Variants in RIMS1 observed in about 807,000 individuals in gnomAD.
RIMS1 encodes the protein regulating synaptic membrane exocytosis protein 1.
In RIMS1, 83 loss-of-function variants were observed where a neutral mutation model predicts 214.1. The ratio of observed to expected loss-of-function variants is 0.39; its 90% CI spans 0.32 to 0.47. RIMS1 has a LOEUF of 0.47. Ranked by LOEUF, RIMS1 falls within the 20% of genes least tolerant of loss-of-function variation. RIMS1 has a pLI of 0.99. For missense variants in RIMS1, 2,050 were observed against 2,161.8 expected (o/e 0.95, Z 1.03); for synonymous variants, 793 against 786.8 (o/e 1.01, Z -0.13).
intron 22 of RIMS1, among the ~76,000 whole-genome samples, chr6:72,269,058 A>G (rs898148900): frequency 1.3e-5 from 2 of 152,094 alleles, no homozygotes; most frequent in African/African-American, 4.8e-5. Flanking sequence ...TGGATGGTTT[A>G]CCTTCTTCCT....
At position 72,274,447 on chromosome 6, in the gene RIMS1, C is replaced by T. The variant is rs775841365; in HGVS notation, c.3482+15C>T. ...GAGAATGACAGGTACTAGTCAACTCCTCCTCACAGACAAGTGGCTTCTAGA... is the reference window on the plus strand; with the variant it reads ...GAGAATGACAGGTACTAGTCAACTCTTCCTCACAGACAAGTGGCTTCTAGA... On this transcript the variant is annotated intron_variant, in intron 23 of 33. Coordinates refer to ENST00000521978, the MANE Select transcript of RIMS1 (RefSeq NM_014989.7). 1.9e-6 allele frequency: 3 copies of T among 1,600,208 alleles called. No individual in the cohort carries two copies. The highest frequency in any genetic ancestry group is 2.2e-5 in the East Asian group (1 of 44,796).
In RIMS1 at chr6:72,159,783, G is replaced by A. The variant is rs1282710226; in HGVS notation, c.472-19792G>A. 5.7e-5 allele frequency among the ~76,000 whole-genome samples: 8 copies of A among 139,968 alleles called. 2 individuals are homozygous for A. Among genetic ancestry groups the A allele is most frequent in the Non-Finnish European group, 1.3e-4 (8 of 61,566 alleles). The allele number at this position is 139,968 out of a possible 152,430, so 91.8% of individuals were successfully genotyped here. A position where few individuals can be genotyped will look rare whatever the true frequency, so the allele number is the denominator to read the frequency against. ...TTGGTACCAGTACCATGCTGTTTTG[G>A]TTATTGTAGCCTTGAAGTATAGTTT... On this transcript the variant is annotated intron_variant, in intron 4 of 33. Transcript: ENST00000521978.
intron 2 of RIMS1, among the ~76,000 whole-genome samples, chr6:72,070,743 G>C (rs1830400892): frequency 6.6e-6 from 1 of 152,082 alleles, no homozygotes; most frequent in African/African-American, 2.4e-5. Flanking sequence ...CAATTTTATT[G>C]CTAAGCCCTC....
intron 1 of RIMS1, among the ~76,000 whole-genome samples, chr6:71,892,239 A>G (rs1337682632): frequency 3.9e-5 from 6 of 152,238 alleles, no homozygotes; most frequent in Non-Finnish European, 1.5e-5. Flanking sequence ...ACTAACATTT[A>G]TCGTGTACCT....
At chr6:71,966,480 A>G (rs1374117704) in intron 1 of RIMS1, among the ~76,000 whole-genome samples, 1 of 152,224 alleles carries the variant, frequency 6.6e-6, no homozygotes, top group Non-Finnish European at 1.5e-5. Flanking sequence ...AGATTAGACA[A>G]GAATTTTCTT....
chr6:72,149,747 G>A (rs2043259410), intron 4 of RIMS1, among the ~76,000 whole-genome samples: 1 of 152,186 alleles, frequency 6.6e-6, no homozygotes, highest in African/African-American at 2.4e-5. Flanking sequence ...GATTTTTCTT[G>A]TTAAGTTTGC....
rs5877320 is a variant in RIMS1, at chr6:72,219,671, G to GTT, written c.1679-14094_1679-14093dup. ...TTTAGGCTTATAAATAGCTTTGAGG[G>GTT]TTTTTTTTTGTTTGTTTTTGTTACA... On this transcript the variant is annotated intron_variant, in intron 6 of 33. Coordinates refer to ENST00000521978, the MANE Select transcript of RIMS1 (RefSeq NM_014989.7). Among the ~76,000 whole-genome samples the GTT allele has an allele frequency of 1.2e-3, 182 of 150,396 alleles. 2 individuals are homozygous for GTT. The highest frequency in any genetic ancestry group is 0.012 in the East Asian group (59 of 5,110).
chr6:71,990,182 C>G (rs1340329320), intron 2 of RIMS1, among the ~76,000 whole-genome samples: 2 of 151,990 alleles, frequency 1.3e-5, no homozygotes, highest in Non-Finnish European at 2.9e-5. Context: ...TGAATGTCAC[C>G]CAGAATGACA....
chr6:71,929,284 T>G (rs908538323), intron 1 of RIMS1, among the ~76,000 whole-genome samples: 1 of 152,168 alleles, frequency 6.6e-6, no homozygotes, highest in African/African-American at 2.4e-5. Flanking sequence ...CATGAGTTAA[T>G]GACTAACACT....
At chr6:71,960,530 T>G (rs114517382) in intron 1 of RIMS1, among the ~76,000 whole-genome samples, 3,209 of 152,210 alleles carry the variant, frequency 0.021, 107 homozygotes, top group African/African-American at 0.072. Flanking sequence ...CATGATGATG[T>G]TTCACACAGA....
At chr6:72,195,517 T>A (rs1255372632) in intron 6 of RIMS1, among the ~76,000 whole-genome samples, 1 of 152,124 alleles carries the variant, frequency 6.6e-6, no homozygotes, top group South Asian at 2.1e-4. Flanking sequence ...GGTGTTAGGG[T>A]ACCAAGTGTA....
chr6:72,340,481 C>A (rs904203716), intron 29 of RIMS1, among the ~76,000 whole-genome samples: 1 of 152,070 alleles, frequency 6.6e-6, no homozygotes, highest in African/African-American at 2.4e-5. Context: ...AGGAAGGGAT[C>A]CAGTTTCAGC....
chr6:72,161,737 A>T (rs2045446416), intron 4 of RIMS1, among the ~76,000 whole-genome samples: 1 of 140,692 alleles, frequency 7.1e-6, no homozygotes. Flanking sequence ...GTTTGATTGC[A>T]CTGTGGTCTG....
chr6:72,011,328 T>C (rs1810502716), intron 2 of RIMS1, among the ~76,000 whole-genome samples: 1 of 152,118 alleles, frequency 6.6e-6, no homozygotes, highest in Non-Finnish European at 1.5e-5. Flanking sequence ...AAAAATTAAT[T>C]CAAGATAGAT....
At chr6:71,986,828 C>T (rs1196778461) in intron 2 of RIMS1, among the ~76,000 whole-genome samples, 2 of 152,228 alleles carry the variant, frequency 1.3e-5, no homozygotes, top group Non-Finnish European at 2.9e-5. Flanking sequence ...CCCAAGGGTG[C>T]TGCTGTGTGA....
intron 2 of RIMS1, among the ~76,000 whole-genome samples, chr6:72,012,246 C>A (rs141078142): frequency 6.6e-6 from 1 of 152,046 alleles, no homozygotes; most frequent in Non-Finnish European, 1.5e-5. Context: ...AACCAAACAC[C>A]GCATGTTGTC....
chr6:72,340,059 G>GT (rs1205410175), intron 29 of RIMS1, among the ~76,000 whole-genome samples: 1 of 152,094 alleles, frequency 6.6e-6, no homozygotes, highest in East Asian at 1.9e-4. Flanking sequence ...TTTTTCATGT[G>GT]GTTTTTGGCT....
At chr6:72,077,557 TCTTA>T (rs1396482110) in intron 2 of RIMS1, among the ~76,000 whole-genome samples, 3 of 152,200 alleles carry the variant, frequency 2.0e-5, no homozygotes, top group Admixed American at 2.0e-4. Context: ...ACTTAGGTCT[TCTTA>T]CTTTATTGGT....
At chr6:71,908,767 CT>C (rs1776036113) in intron 1 of RIMS1, among the ~76,000 whole-genome samples, 2 of 152,094 alleles carry the variant, frequency 1.3e-5, no homozygotes, top group African/African-American at 4.8e-5. Context: ...CTAAATGAAC[CT>C]TTTCATCTTG....
Sources: gnomAD v4.1 joint callset for allele counts (sites outside exome capture counted in the v4.1 genomes callset) on GRCh38, gnomAD v4.1.1 for gene constraint, MANE v1.5 for transcripts, NCBI Gene and HGNC (gene_info 2026-07-23, HGNC 2026-07-21) for gene names.